Variants in STXBP5 observed in about 807,000 individuals in gnomAD.
STXBP5 encodes syntaxin binding protein 5.
Under a neutral mutation model 152.4 loss-of-function variants are expected in STXBP5, and 50 were observed. The ratio of observed to expected loss-of-function variants is 0.33; its 90% CI spans 0.26 to 0.42. STXBP5 has a LOEUF of 0.42. Ranked by LOEUF, STXBP5 falls within the 10% of genes least tolerant of loss-of-function variation. The pLI is 1.00. For synonymous variants in STXBP5, 492 were observed against 494.7 expected, an observed-to-expected ratio of 0.99 and a Z score of 0.07; for missense variants, 1,167 against 1,388.6, an observed-to-expected ratio of 0.84 and a Z score of 2.54.
At chr6:147,291,363 CT>C (rs1781268148) in intron 9 of STXBP5, among the ~76,000 whole-genome samples, 191 bp downstream of exon 9, 1 of 151,856 alleles carries the variant, frequency 6.6e-6, no homozygotes, top group Admixed American at 6.6e-5. Context: ...GTGTTCTTGT[CT>C]TTAGTAGTTT....
At chr6:147,251,291 A>G (rs1035983758) in intron 4 of STXBP5, among the ~76,000 whole-genome samples, 4 of 151,308 alleles carry the variant, frequency 2.6e-5, no homozygotes, top group African/African-American at 9.8e-5. Context: ...TTCACAACCC[A>G]CAGATCAGGA....
At chr6:147,314,778 G>C in intron 14 of STXBP5, 142 bp downstream of exon 14, 2 of 567,294 alleles carry the variant, frequency 3.5e-6, no homozygotes, top group Non-Finnish European at 5.7e-6. Flanking sequence ...TTAAATACAT[G>C]AGTTTAGAAT....
At chr6:147,316,487 A>G in intron 16 of STXBP5, 80 bp downstream of exon 16, 1 of 1,260,164 alleles carries the variant, frequency 7.9e-7, no homozygotes, top group Non-Finnish European at 1.0e-6. Flanking sequence ...AGCTATGGTA[A>G]CATTTTCTTT....
chr6:147,360,297 G>T (rs936881263), intron 23 of STXBP5, among the ~76,000 whole-genome samples: 1 of 152,072 alleles, frequency 6.6e-6, no homozygotes, highest in Admixed American at 6.6e-5. Flanking sequence ...CCATTACTGG[G>T]TATATACCCA....
intron 26 of STXBP5, among the ~76,000 whole-genome samples, chr6:147,379,930 A>G (rs1349687665): frequency 6.6e-6 from 1 of 152,124 alleles, no homozygotes; most frequent in Non-Finnish European, 1.5e-5. Flanking sequence ...ATTTAACCAA[A>G]GAAGTATAAG....
chr6:147,214,773 A>G (rs1408958710), intron 2 of STXBP5, among the ~76,000 whole-genome samples: 1 of 152,214 alleles, frequency 6.6e-6, no homozygotes, highest in East Asian at 1.9e-4. Flanking sequence ...GAAGAATGTT[A>G]CAGGGTATGA....
Position 147,315,592 on chromosome 6 carries a change from A to T in STXBP5, c.1480A>T (p.Thr494Ser), listed in dbSNP as rs761855511. The change falls in exon 15 of 28, where the codon ACA becomes TCA. Residue 494 changes from threonine to serine, a missense_variant. This residue lies in a region of STXBP5 where 833 missense variants were observed against 986.3 expected (regional missense o/e 0.84). Transcript: ENST00000321680. The stretch of plus-strand genomic sequence containing the variant: ...AAGAAATAAAGATGACAGGCCAAAC[A>T]CAGACATTGTAGATGAAGATCCATA... ...KSRNKDDRPNTDIVDEDPYAI... is the reference protein window; with the variant it reads ...KSRNKDDRPNSDIVDEDPYAI... 35 of 1,613,824 alleles carry T rather than the reference A, an allele frequency of 2.2e-5. No individual in the cohort carries two copies. The highest frequency in any genetic ancestry group is 2.9e-5 in the Non-Finnish European group (34 of 1,179,902).
Position 147,286,297 on chromosome 6 carries a change from AAGG to A in STXBP5, c.839-4793_839-4791del, listed in dbSNP as rs552275890. Among the ~76,000 whole-genome samples, 315 of 152,218 alleles carry A rather than the reference AAGG, an allele frequency of 2.1e-3. 2 individuals are homozygous for A. The highest frequency in any genetic ancestry group is 7.3e-3 in the African/African-American group (302 of 41,536). ...ATTCCCTGTACAACCATTTCTTCAT[AAGG>A]AGGGGAAAGGGATTATTCTCTAGGA... is the stretch of plus-strand genomic sequence containing the variant. On this transcript the variant is annotated intron_variant, in intron 8 of 27. Coordinates refer to ENST00000321680, the MANE Select transcript of STXBP5 (RefSeq NM_001127715.4).
At chr6:147,230,944 GTGA>G (rs893347435) in intron 2 of STXBP5, among the ~76,000 whole-genome samples, 89 of 149,080 alleles carry the variant, frequency 6.0e-4, no homozygotes, top group African/African-American at 2.2e-3. Context: ...GATGATGCTG[GTGA>G]TGATGATGGT....
Position 147,386,744 on chromosome 6 carries a change from C to T in STXBP5, c.*1989C>T, listed in dbSNP as rs1786357403. 6.6e-6 allele frequency: 1 copy of T among 151,690 alleles called. No homozygotes were observed. Among genetic ancestry groups the T allele is most frequent in the Non-Finnish European group, 1.5e-5 (1 of 67,756 alleles). The allele number at this position is 151,690 out of a possible 1,614,324, so 9.4% of individuals were successfully genotyped here. A position where few individuals can be genotyped will look rare whatever the true frequency, so the allele number is the denominator to read the frequency against. ...ATTGTTAGGTCCTATTTTAAAGGTA[C>T]AGTTTTGTGAATGTCATCAATAAAA... On this transcript the variant is annotated 3_prime_UTR_variant, in exon 28 of 28. Transcript: ENST00000321680.
intron 9 of STXBP5, among the ~76,000 whole-genome samples, chr6:147,306,298 T>A (rs541107028): frequency 1.1e-4 from 17 of 152,204 alleles, no homozygotes; most frequent in Non-Finnish European, 2.5e-4. Flanking sequence ...CAGATAAACA[T>A]TGACAGTGAA....
chr6:147,292,205 AAT>A (rs201662105), intron 9 of STXBP5: 6 of 448,162 alleles, frequency 1.3e-5, no homozygotes, highest in South Asian at 1.6e-5. Context: ...ACCAGGCTAA[AAT>A]ATATATATAA....
chr6:147,358,503 TA>T (rs2128411015), intron 22 of STXBP5, among the ~76,000 whole-genome samples: 1 of 152,238 alleles, frequency 6.6e-6, no homozygotes, highest in South Asian at 2.1e-4. Flanking sequence ...TTTATTAGCA[TA>T]AAAGTAAATT....
intron 3 of STXBP5, among the ~76,000 whole-genome samples, chr6:147,236,661 A>C (rs889348288): frequency 2.6e-5 from 4 of 152,190 alleles, no homozygotes; most frequent in African/African-American, 7.2e-5. Context: ...ATCAAGATAC[A>C]GGTCAGTTCC....
At chr6:147,246,240 C>G (rs1778804162) in intron 4 of STXBP5, among the ~76,000 whole-genome samples, 1 of 152,138 alleles carries the variant, frequency 6.6e-6, no homozygotes, top group Non-Finnish European at 1.5e-5. Context: ...GTGGGTTGAT[C>G]AGCAGCTACA....
At chr6:147,335,014 A>C (rs913843740) in intron 19 of STXBP5, among the ~76,000 whole-genome samples, 1 of 152,102 alleles carries the variant, frequency 6.6e-6, no homozygotes, top group African/African-American at 2.4e-5. Flanking sequence ...ATTTTAGTGT[A>C]ATATTTTATT....
At chr6:147,287,416 A>G (rs1274257383) in intron 8 of STXBP5, among the ~76,000 whole-genome samples, 3 of 151,272 alleles carry the variant, frequency 2.0e-5, no homozygotes, top group Non-Finnish European at 2.9e-5. Context: ...TTTAGCCGGG[A>G]TGGTCTCGAT....
chr6:147,215,933 C>T lies in STXBP5; in HGVS notation c.248+9865C>T, dbSNP rs185364050. Reference sequence around the variant, plus strand: ...TGCCTTTGTAGCTTTTTCTTAATATCTTTCTTAATATCATATACATATGTG... The same window carrying T: ...TGCCTTTGTAGCTTTTTCTTAATATTTTTCTTAATATCATATACATATGTG... On this transcript the variant is annotated intron_variant, in intron 2 of 27. Transcript: ENST00000321680. Among the ~76,000 whole-genome samples, 7 of 152,054 alleles carry T rather than the reference C, an allele frequency of 4.6e-5. 1 individual carries two copies. In the East Asian group the frequency reaches 1.2e-3, roughly 25 times the overall value.
At chr6:147,380,589 C>G (rs939368098) in intron 26 of STXBP5, among the ~76,000 whole-genome samples, 8 of 151,558 alleles carry the variant, frequency 5.3e-5, no homozygotes, top group African/African-American at 1.9e-4. Flanking sequence ...ATTTGTGTAA[C>G]CTTGGATTAG....
Sources: allele counts gnomAD v4.1 joint callset (sites outside exome capture counted in the v4.1 genomes callset), GRCh38; gene constraint gnomAD v4.1.1; regional missense constraint gnomAD v4.1.1; transcripts MANE v1.5; gene names NCBI Gene and HGNC (gene_info 2026-07-23, HGNC 2026-07-21).